Variants in MRRF observed in about 807,000 individuals in gnomAD.
MRRF encodes the protein mitochondrial ribosome recycling factor, also known as ribosome-recycling factor, mitochondrial.
Under a neutral mutation model 25.1 loss-of-function variants are expected in MRRF, and 18 were observed. The observed-to-expected ratio is 0.72, with a 90% CI of 0.50 to 1.06. MRRF has a LOEUF of 1.06. MRRF is among the 50% of genes least tolerant of loss of function. The pLI, the probability that MRRF is intolerant of heterozygous loss-of-function variation, is 0.00. For synonymous variants in MRRF, 113 were observed against 112.1 expected (o/e 1.01, Z -0.05); for missense variants, 323 against 319.3 (o/e 1.01, Z -0.09).
At chr9:122,274,108 T>C (rs1832630151) in intron 2 of MRRF, among the ~76,000 whole-genome samples, 1 of 152,216 alleles carries the variant, frequency 6.6e-6, no homozygotes, top group Admixed American at 6.5e-5. Flanking sequence ...CTAGGAACTC[T>C]AGTGTAATTT....
chr9:122,325,720 T>TA lies in MRRF; in HGVS notation c.*3113dup, dbSNP rs947548623. The TA allele has an allele frequency of 4.7e-4, 66 of 139,870 alleles. 1 individual carries two copies. The Middle Eastern group carries it at 0.012, about 26-fold the overall frequency. 8.7% of individuals were successfully genotyped at this position (139,870 alleles called of 1,614,324 possible). ...CAAAATAAGTTGGAATGCAGAAAGT[T>TA]AAAAAAAAAATCTCACCAGGCCCTA... is the stretch of plus-strand genomic sequence containing the variant. On this transcript the variant is annotated 3_prime_UTR_variant, in exon 7 of 7. Coordinates refer to ENST00000344641, the MANE Select transcript of MRRF (RefSeq NM_138777.5).
At chr9:122,316,605 G>GGTGTGTGTGTGTGT (rs113434723) in intron 6 of MRRF, among the ~76,000 whole-genome samples, 1 of 150,724 alleles carries the variant, frequency 6.6e-6, no homozygotes, top group African/African-American at 2.4e-5. Flanking sequence ...TGGAATTTTT[G>GGTGTGTGTGTGTGT]GTGTGTGTGT....
At position 122,324,292 on chromosome 9, in the gene MRRF, C is replaced by T. The variant is rs1836044361; in HGVS notation, c.*1675C>T. The T allele has an allele frequency of 6.6e-6, 1 of 152,192 alleles. No homozygotes were observed. Among genetic ancestry groups the T allele is most frequent in the East Asian group, 1.9e-4 (1 of 5,178 alleles). 9.4% of individuals were successfully genotyped at this position (152,192 alleles called of 1,614,324 possible). ...ACAGCTCACACAACTCAGGGAAACACGTTCACTGGTTTATTATAAAAGATA... is the reference window on the plus strand; with the variant it reads ...ACAGCTCACACAACTCAGGGAAACATGTTCACTGGTTTATTATAAAAGATA... On this transcript the variant is annotated 3_prime_UTR_variant, in exon 7 of 7. Coordinates refer to ENST00000344641, the MANE Select transcript of MRRF (RefSeq NM_138777.5).
intron 5 of MRRF, among the ~76,000 whole-genome samples, chr9:122,298,025 A>G (rs970216446): frequency 2.6e-5 from 4 of 152,088 alleles, no homozygotes; most frequent in African/African-American, 9.7e-5. Context: ...TCTGTTCCCT[A>G]TTTTTTATAC....
At chr9:122,308,496 C>T (rs963899891) in intron 5 of MRRF, among the ~76,000 whole-genome samples, 4 of 149,308 alleles carry the variant, frequency 2.7e-5, no homozygotes, top group Admixed American at 6.7e-5. Context: ...ATCAGGAGTT[C>T]GTGACCAGCC....
chr9:122,314,072 C>T (rs561540516), intron 6 of MRRF, among the ~76,000 whole-genome samples: 6 of 152,246 alleles, frequency 3.9e-5, no homozygotes, highest in African/African-American at 1.2e-4. Context: ...TACAGACTGT[C>T]CCACATTGGC....
chr9:122,271,146 G>C (rs1446473526), intron 2 of MRRF, 71 bp downstream of exon 2: 1 of 1,310,008 alleles, frequency 7.6e-7, no homozygotes, highest in African/African-American at 1.5e-5. Flanking sequence ...TAGCTGGCAG[G>C]TATCTCAGAT....
chr9:122,315,393 G>A (rs1835450225), intron 6 of MRRF, among the ~76,000 whole-genome samples: 1 of 152,220 alleles, frequency 6.6e-6, no homozygotes. Flanking sequence ...TGACACTAGA[G>A]TTAGAAAAAG....
chr9:122,313,235 G>A lies in MRRF; in HGVS notation c.560G>A (p.Arg187Lys). 2.5e-6 allele frequency: 4 copies of A among 1,613,986 alleles called. No homozygotes were observed. Among genetic ancestry groups the A allele is most frequent in the Non-Finnish European group, 3.4e-6 (4 of 1,179,914 alleles). ...CTTTTGTCTTTTATCAGAGTAACCA[G>A]AGAGCACAGAGAAATGCTGGTGAAA... ...LIRVPIPQVTREHREMLVKLA... is the reference protein window; with the variant it reads ...LIRVPIPQVTKEHREMLVKLA... The change falls in exon 6 of 7, where the codon AGA becomes AAA. Residue 187 changes from arginine to lysine, a missense_variant. By Grantham distance (26) the Arg-to-Lys change is conservative (BLOSUM62 2). Transcript: ENST00000344641.
intron 5 of MRRF, among the ~76,000 whole-genome samples, chr9:122,305,860 A>G (rs1298265129): frequency 1.3e-5 from 2 of 152,226 alleles, no homozygotes; most frequent in Non-Finnish European, 2.9e-5. Flanking sequence ...TAGGCCCTCA[A>G]ACAGAGCCTA....
intron 5 of MRRF, among the ~76,000 whole-genome samples, chr9:122,295,620 A>G (rs930803847): frequency 2.0e-5 from 3 of 151,858 alleles, no homozygotes; most frequent in African/African-American, 7.3e-5. Flanking sequence ...TAATTTTTGT[A>G]TTTTTAGTAG....
intron 6 of MRRF, among the ~76,000 whole-genome samples, chr9:122,322,204 CA>C (rs1424363138): frequency 5.3e-5 from 8 of 150,818 alleles, no homozygotes; most frequent in Admixed American, 4.0e-4. Context: ...ACTAAAAATA[CA>C]AAAAAAAATT....
At chr9:122,269,456 GGC>G in intron 1 of MRRF, among the ~76,000 whole-genome samples, 1 of 152,268 alleles carries the variant, frequency 6.6e-6, no homozygotes, top group African/African-American at 2.4e-5. Context: ...CGGGCATGGT[GGC>G]TCACACCTGT....
At chr9:122,287,010 A>C (rs1317746731) in intron 4 of MRRF, among the ~76,000 whole-genome samples, 10 of 152,202 alleles carry the variant, frequency 6.6e-5, no homozygotes, top group Admixed American at 6.5e-4. Flanking sequence ...GCCTTTGCAT[A>C]TCCTGTTCCC....
chr9:122,285,406 A>G, intron 4 of MRRF, 119 bp downstream of exon 4: 1 of 793,146 alleles, frequency 1.3e-6, no homozygotes, highest in Non-Finnish European at 2.3e-6. Flanking sequence ...GACATAATAA[A>G]GAGAACTTAA....
intron 4 of MRRF, among the ~76,000 whole-genome samples, chr9:122,287,639 T>G (rs532507460): frequency 1.3e-5 from 2 of 152,244 alleles, no homozygotes; most frequent in African/African-American, 2.4e-5. Context: ...GAGCATCTTA[T>G]GAAGCAGGAG....
At position 122,327,038 on chromosome 9, in the gene MRRF, A is replaced by C. The variant is rs549803286; in HGVS notation, c.*4421A>C. Reference sequence around the variant, plus strand: ...TGTTCTGGACCTGGACGGTGATGTGAGAGAAGCAGAAGTCTTGCTTTCATA... The same window carrying C: ...TGTTCTGGACCTGGACGGTGATGTGCGAGAAGCAGAAGTCTTGCTTTCATA... On this transcript the variant is annotated 3_prime_UTR_variant, in exon 7 of 7. Transcript: ENST00000344641. 3.9e-5 allele frequency: 6 copies of C among 152,338 alleles called. No individual in the cohort carries two copies. In the Middle Eastern group the frequency reaches 0.01, roughly 259 times the overall value. 9.4% of individuals were successfully genotyped at this position (152,338 alleles called of 1,614,324 possible).
intron 2 of MRRF, among the ~76,000 whole-genome samples, chr9:122,271,296 T>C (rs1356816114): frequency 1.3e-5 from 2 of 152,256 alleles, no homozygotes; most frequent in African/African-American, 4.8e-5. Flanking sequence ...TCATTTGTTT[T>C]CTTGGTAGCT....
chr9:122,300,690 C>T (rs1834392967), intron 5 of MRRF, among the ~76,000 whole-genome samples: 1 of 152,148 alleles, frequency 6.6e-6, no homozygotes, highest in South Asian at 2.1e-4. Flanking sequence ...CACTAACCCC[C>T]TTCCTGAAGC....
Sources: allele counts gnomAD v4.1 joint callset (sites outside exome capture counted in the v4.1 genomes callset), GRCh38; gene constraint gnomAD v4.1.1; transcripts MANE v1.5; gene names NCBI Gene and HGNC (gene_info 2026-07-23, HGNC 2026-07-21).